DGKB: variants seen among roughly 807,000 people sequenced by gnomAD.
The protein encoded by DGKB is 90 kDa diacylglycerol kinase.
In DGKB, 67 loss-of-function variants were observed where a neutral mutation model predicts 114.3. The ratio of observed to expected loss-of-function variants is 0.59; its 90% CI spans 0.48 to 0.72. DGKB has a LOEUF of 0.72. Ranked by LOEUF, DGKB falls within the 30% of genes least tolerant of loss-of-function variation. The pLI is 0.00. For missense variants in DGKB, 907 were observed against 975.2 expected, an observed-to-expected ratio of 0.93 and a Z score of 0.93; for synonymous variants, 398 against 323.1, an observed-to-expected ratio of 1.23 and a Z score of -2.49.
intron 23 of DGKB, among the ~76,000 whole-genome samples, chr7:14,312,785 T>C (rs1252480665): frequency 1.3e-5 from 2 of 152,188 alleles, no homozygotes; most frequent in African/African-American, 2.4e-5. Context: ...TTCAGTTTGA[T>C]GGAAAACAAC....
chr7:14,497,245 T>C (rs1785441586), intron 20 of DGKB, among the ~76,000 whole-genome samples: 1 of 151,784 alleles, frequency 6.6e-6, no homozygotes, highest in Admixed American at 6.6e-5. Context: ...TGATGTAAAC[T>C]ATTAGGGTGA....
At chr7:14,933,685 A>T (rs1374782195) in intron 1 of DGKB, among the ~76,000 whole-genome samples, 1 of 152,204 alleles carries the variant, frequency 6.6e-6, no homozygotes, top group African/African-American at 2.4e-5. Flanking sequence ...CTAAGGTCTT[A>T]TTAATACATG....
intron 23 of DGKB, among the ~76,000 whole-genome samples, chr7:14,196,594 A>G (rs73065791): frequency 0.039 from 5,963 of 152,202 alleles, 162 homozygotes; most frequent in Middle Eastern, 0.061. Context: ...TGGAATTTTA[A>G]AATTAATTCC....
intron 20 of DGKB, among the ~76,000 whole-genome samples, chr7:14,497,368 T>A (rs1477444317): frequency 6.6e-6 from 1 of 151,774 alleles, no homozygotes; most frequent in Non-Finnish European, 1.5e-5. Flanking sequence ...ACATAAGAAA[T>A]GTTTTAAAAA....
At chr7:14,738,439 C>T (rs910106940) in intron 4 of DGKB, among the ~76,000 whole-genome samples, 1 of 152,200 alleles carries the variant, frequency 6.6e-6, no homozygotes, top group African/African-American at 2.4e-5. Context: ...GAATCCAACA[C>T]AAGCTGTGTC....
At chr7:14,506,665 C>T (rs1466116516) in intron 20 of DGKB, among the ~76,000 whole-genome samples, 3 of 152,162 alleles carry the variant, frequency 2.0e-5, no homozygotes, top group Non-Finnish European at 4.4e-5. Context: ...CCTCTGAGGG[C>T]AGCATACCTG....
intron 25 of DGKB, among the ~76,000 whole-genome samples, chr7:14,152,434 T>C (rs1257629058): frequency 6.6e-6 from 1 of 152,078 alleles, no homozygotes; most frequent in Non-Finnish European, 1.5e-5. Context: ...GAAACTGCAA[T>C]GGTTCCATGA....
At chr7:14,444,696 A>T (rs1362392388) in intron 21 of DGKB, among the ~76,000 whole-genome samples, 3 of 151,918 alleles carry the variant, frequency 2.0e-5, no homozygotes, top group Non-Finnish European at 4.4e-5. Context: ...ATATGATGGT[A>T]GTCCTATTAC....
At chr7:14,849,963 T>G (rs771213954) in intron 1 of DGKB, among the ~76,000 whole-genome samples, 1 of 152,070 alleles carries the variant, frequency 6.6e-6, no homozygotes, top group African/African-American at 2.4e-5. Flanking sequence ...GTTCTTATAT[T>G]TAGAGATTAG....
chr7:14,802,540 A>T (rs910942368), intron 2 of DGKB, among the ~76,000 whole-genome samples: 3 of 152,130 alleles, frequency 2.0e-5, no homozygotes, highest in Non-Finnish European at 2.9e-5. Flanking sequence ...AACATTCTTG[A>T]TATAATTCAA....
At chr7:14,633,548 TA>T (rs751155523) in intron 13 of DGKB, among the ~76,000 whole-genome samples, 1 of 151,930 alleles carries the variant, frequency 6.6e-6, no homozygotes, top group Non-Finnish European at 1.5e-5. Flanking sequence ...AAAAGAAAAG[TA>T]GAAACTTATT....
chr7:14,379,295 T>C (rs1336380994), intron 21 of DGKB, among the ~76,000 whole-genome samples: 1 of 152,188 alleles, frequency 6.6e-6, no homozygotes, highest in Admixed American at 6.5e-5. Context: ...TTCTTAACCA[T>C]GTACAAAATC....
At chr7:14,535,527 A>T (rs890318184) in intron 20 of DGKB, among the ~76,000 whole-genome samples, 2 of 152,194 alleles carry the variant, frequency 1.3e-5, no homozygotes, top group African/African-American at 4.8e-5. Context: ...AGATTAGAAC[A>T]GAAAAAAATG....
chr7:14,864,153 A>C (rs1277281882), intron 1 of DGKB, among the ~76,000 whole-genome samples: 2 of 151,480 alleles, frequency 1.3e-5, no homozygotes, highest in African/African-American at 4.8e-5. Flanking sequence ...AAATTATTGG[A>C]AAATTTATAA....
At chr7:14,765,552 C>T (rs1211936513) in intron 2 of DGKB, among the ~76,000 whole-genome samples, 1 of 151,854 alleles carries the variant, frequency 6.6e-6, no homozygotes, top group Non-Finnish European at 1.5e-5. Context: ...CATCTATCTA[C>T]ATCTAATGTT....
chr7:14,852,486 T>TAAAAAAAAAAAAAAAAAAAAA (rs1554304182), intron 1 of DGKB, among the ~76,000 whole-genome samples: 3 of 7,774 alleles, frequency 3.9e-4, no homozygotes, highest in Non-Finnish European at 6.3e-4. Context: ...ATAGTGAAAG[T>TAAAAAAAAAAAAAAAAAAAAA]CAAAAAAAAA....
rs542203911 is a variant in DGKB at position 14,450,116 on chromosome 7, A to T, written c.1835+28045T>A. On this transcript the variant is annotated intron_variant, in intron 21 of 25. Coordinates refer to ENST00000402815, the MANE Select transcript of DGKB (RefSeq NM_001350709.2). ...ATAAGCTATGACAAGAACACAATTT[A>T]TCAATATGCAAAATAGATGAAACCA... is the stretch of plus-strand genomic sequence containing the variant. 1.4e-3 allele frequency among the ~76,000 whole-genome samples: 220 copies of T among 152,236 alleles called. 1 individual carries two copies. Among genetic ancestry groups the T allele is most frequent in the African/African-American group, 5.0e-3 (208 of 41,562 alleles).
intron 17 of DGKB, among the ~76,000 whole-genome samples, chr7:14,598,824 T>C (rs940904111): frequency 2.6e-5 from 4 of 152,308 alleles, no homozygotes; most frequent in African/African-American, 9.6e-5. Flanking sequence ...AAACTGCTCA[T>C]GCTCTTTTTC....
At chr7:14,855,072 C>A (rs957989636) in intron 1 of DGKB, among the ~76,000 whole-genome samples, 1 of 152,060 alleles carries the variant, frequency 6.6e-6, no homozygotes, top group Non-Finnish European at 1.5e-5. Flanking sequence ...AAAAAAGCTA[C>A]TAGAAATAAA....
Sources: gnomAD v4.1 joint callset for allele counts (sites outside exome capture counted in the v4.1 genomes callset) on GRCh38, gnomAD v4.1.1 for gene constraint, MANE v1.5 for transcripts, NCBI Gene and HGNC (gene_info 2026-07-23, HGNC 2026-07-21) for gene names.